The following OPCML variants were observed in gnomAD, a reference collection of about 807,000 sequenced individuals.
OPCML encodes the protein opioid binding protein/cell adhesion molecule like, also known as opioid-binding protein/cell adhesion molecule.
A neutral mutation model predicts 37.8 loss-of-function variants in OPCML; 13 were observed. That is an observed-to-expected ratio of 0.34 (90% CI 0.22 to 0.55). The LOEUF is 0.55. Among genes scored for constraint, OPCML ranks in the 20% least tolerant of loss-of-function variants. OPCML has a pLI of 0.91. For missense variants in OPCML, 341 were observed against 435.6 expected, an observed-to-expected ratio of 0.78 and a Z score of 1.93; for synonymous variants, 176 against 168.8, an observed-to-expected ratio of 1.04 and a Z score of -0.33.
intron 3 of OPCML, among the ~76,000 whole-genome samples, chr11:132,627,053 C>T (rs1288687119): frequency 6.6e-6 from 1 of 151,868 alleles, no homozygotes; most frequent in Non-Finnish European, 1.5e-5. Context: ...TAAGCAGATC[C>T]ATTCTATATC....
intron 1 of OPCML, among the ~76,000 whole-genome samples, chr11:133,119,989 G>C (rs1949396389): frequency 6.6e-6 from 1 of 152,078 alleles, no homozygotes; most frequent in Non-Finnish European, 1.5e-5. Context: ...GAAAGCTCTA[G>C]GTCCATCTTT....
At chr11:133,485,894 T>A (rs1947515900) in intron 1 of OPCML, among the ~76,000 whole-genome samples, 2 of 152,184 alleles carry the variant, frequency 1.3e-5, no homozygotes, top group Admixed American at 1.3e-4. Flanking sequence ...CCATGTTTTT[T>A]CTGTTTTTTT....
At chr11:133,354,309 T>C (rs374884629) in intron 1 of OPCML, among the ~76,000 whole-genome samples, 2 of 22,244 alleles carry the variant, frequency 9.0e-5, no homozygotes, top group African/African-American at 1.4e-4. Flanking sequence ...TGGTGACGTG[T>C]TGGTAGTGGT....
intron 1 of OPCML, chr11:133,005,269 G>C (rs748624646): frequency 1.0e-6 from 1 of 985,288 alleles, no homozygotes; most frequent in Non-Finnish European, 1.2e-6. Context: ...GTGCATGAAT[G>C]AATCAATAGC....
At chr11:133,501,709 C>G (rs1330157486) in intron 1 of OPCML, among the ~76,000 whole-genome samples, 1 of 150,270 alleles carries the variant, frequency 6.7e-6, no homozygotes, top group East Asian at 2.0e-4. Context: ...GGGCTTCAAA[C>G]GACCTGAGCC....
chr11:132,864,579 T>C (rs1942450804), intron 2 of OPCML, among the ~76,000 whole-genome samples: 1 of 152,206 alleles, frequency 6.6e-6, no homozygotes, highest in Non-Finnish European at 1.5e-5. Flanking sequence ...GGTCTAAAAT[T>C]TCTCTGCCAT....
intron 1 of OPCML, among the ~76,000 whole-genome samples, chr11:133,223,048 G>T (rs972998601): frequency 6.6e-6 from 1 of 152,206 alleles, no homozygotes; most frequent in African/African-American, 2.4e-5. Context: ...CTACCAAGAC[G>T]TGGGCAGCCC....
At chr11:132,918,402 C>G (rs1944677781) in intron 2 of OPCML, among the ~76,000 whole-genome samples, 1 of 152,182 alleles carries the variant, frequency 6.6e-6, no homozygotes, top group Non-Finnish European at 1.5e-5. Context: ...TCAAGCTTCC[C>G]TGTACCTCCT....
At chr11:132,950,657 C>T (rs1945838439) in intron 1 of OPCML, among the ~76,000 whole-genome samples, 1 of 152,136 alleles carries the variant, frequency 6.6e-6, no homozygotes, top group South Asian at 2.1e-4. Context: ...TGGTAAAGCT[C>T]TGCTGTGTGC....
intron 1 of OPCML, among the ~76,000 whole-genome samples, chr11:133,175,484 GAA>G (rs5795829): frequency 7.3e-6 from 1 of 137,632 alleles, no homozygotes; most frequent in East Asian, 2.0e-4. Flanking sequence ...GAGAAAAATA[GAA>G]AAAAAAAAAA....
chr11:133,296,764 G>T (rs1942641608), intron 1 of OPCML, among the ~76,000 whole-genome samples: 1 of 152,142 alleles, frequency 6.6e-6, no homozygotes, highest in Admixed American at 6.5e-5. Flanking sequence ...ATAAAAGGTA[G>T]ACATTATTTG....
intron 2 of OPCML, among the ~76,000 whole-genome samples, chr11:132,881,552 A>C (rs551114362): frequency 3.1e-4 from 47 of 152,236 alleles, no homozygotes; most frequent in African/African-American, 8.7e-4. Flanking sequence ...ACTCCCAGTA[A>C]ATGTCTACTC....
chr11:132,966,998 T>G (rs1946229690), intron 1 of OPCML, among the ~76,000 whole-genome samples: 1 of 152,112 alleles, frequency 6.6e-6, no homozygotes, highest in Non-Finnish European at 1.5e-5. Context: ...TCTCTGCCTT[T>G]TGATTGTTTA....
rs1252633026 is a variant in OPCML at position 132,619,757 on chromosome 11, C to T, written c.379+37330G>A. Reference sequence around the variant, plus strand: ...GTCCCAGCTACTCGAGAGGCTGAGGCAGGAGAATGGCATGAACCCGGGAGG... The same window carrying T: ...GTCCCAGCTACTCGAGAGGCTGAGGTAGGAGAATGGCATGAACCCGGGAGG... On this transcript the variant is annotated intron_variant, in intron 3 of 7. Coordinates refer to ENST00000524381, the MANE Select transcript of OPCML (RefSeq NM_001012393.5). Among the ~76,000 whole-genome samples, 3 of 148,108 alleles carry T rather than the reference C, an allele frequency of 2.0e-5. No individual in the cohort carries two copies. The South Asian group carries it at 6.4e-4, about 31-fold the overall frequency.
rs11223428 is a variant in OPCML, at chr11:133,281,078, C to A, written c.61+251186G>T. On this transcript the variant is annotated intron_variant, in intron 1 of 7. Coordinates refer to ENST00000524381, the MANE Select transcript of OPCML (RefSeq NM_001012393.5). ...TGCCACTGTGGGCTGATCTGTCCTG[C>A]AGACTGTCCCTCACTGGGCATCACC... is the stretch of plus-strand genomic sequence containing the variant. 4.4e-3 allele frequency among the ~76,000 whole-genome samples: 675 copies of A among 152,266 alleles called. 26 individuals are homozygous for A. In the East Asian group the frequency reaches 0.09, roughly 20 times the overall value.
intron 4 of OPCML, among the ~76,000 whole-genome samples, chr11:132,520,549 AT>A (rs1259383884): frequency 2.6e-5 from 4 of 152,000 alleles, no homozygotes; most frequent in Non-Finnish European, 1.5e-5. Context: ...TTGTATTTCT[AT>A]TTTTTTAATT....
At position 132,529,122 on chromosome 11, in the gene OPCML, C is replaced by T. The variant is rs540889494; in HGVS notation, c.444G>A (p.Leu148=). ...CTGGTCTGCCAATAGCAAGACACAG[C>T]AGGGTCACACTGCTTCCCTCATTCA... ...ITVNEGSSVT[L]LCLAIGRPEP... is the part of the protein sequence containing the mutation. Residue 148 remains leucine (L), a synonymous_variant, in exon 4 of 8, where the codon CTG becomes CTA. Coordinates refer to ENST00000524381, the MANE Select transcript of OPCML (RefSeq NM_001012393.5). The T allele has an allele frequency of 2.5e-5, 41 of 1,613,468 alleles. No individual in the cohort carries two copies. The South Asian group carries it at 4.0e-4, about 16-fold the overall frequency.
At chr11:132,657,487 G>C in intron 2 of OPCML, 168 bp from the exon 3 acceptor site, 1 of 885,538 alleles carries the variant, frequency 1.1e-6, no homozygotes, top group Non-Finnish European at 1.4e-6. Flanking sequence ...TATAAACTAA[G>C]AGTGACCAGA....
intron 3 of OPCML, among the ~76,000 whole-genome samples, chr11:132,656,572 C>T (rs1007702700): frequency 3.9e-4 from 59 of 152,248 alleles, no homozygotes; most frequent in African/African-American, 1.3e-3. Context: ...CATTGTCTGG[C>T]TATGAGAGAG....
Sources: allele counts gnomAD v4.1 joint callset (sites outside exome capture counted in the v4.1 genomes callset), GRCh38; gene constraint gnomAD v4.1.1; transcripts MANE v1.5; gene names NCBI Gene and HGNC (gene_info 2026-07-23, HGNC 2026-07-21).